The following SSUH2 variants were observed in gnomAD, a reference collection of about 807,000 sequenced individuals.
The protein encoded by SSUH2 is ssu-2 homolog, also known as protein SSUH2 homolog.
A neutral mutation model predicts 55.3 loss-of-function variants in SSUH2; 47 were observed. The ratio of observed to expected loss-of-function variants is 0.85; its 90% CI spans 0.67 to 1.08. SSUH2 has a LOEUF of 1.08. SSUH2 is among the 50% of genes least tolerant of loss of function. SSUH2 has a pLI of 0.00. For missense variants in SSUH2, 535 were observed against 490.7 expected, an observed-to-expected ratio of 1.09 and a Z score of -0.85; for synonymous variants, 212 against 191.5, an observed-to-expected ratio of 1.11 and a Z score of -0.89.
At chr3:8,648,186 C>A (rs936047488), upstream of SSUH2, among the ~76,000 whole-genome samples, 1 of 152,168 alleles carries the variant, frequency 6.6e-6, no homozygotes, top group Non-Finnish European at 1.5e-5. Context: ...TCCTTATAGA[C>A]GAGACAACAA....
At chr3:8,678,139 G>A (rs1178113058) in intron 2 of SSUH2, among the ~76,000 whole-genome samples, 1 of 152,006 alleles carries the variant, frequency 6.6e-6, no homozygotes, top group Non-Finnish European at 1.5e-5. Flanking sequence ...CAGGATCGTG[G>A]GAACAACATC....
chr3:8,680,953 T>C (rs185427171), intron 1 of SSUH2, among the ~76,000 whole-genome samples: 50 of 151,784 alleles, frequency 3.3e-4, no homozygotes, highest in South Asian at 6.2e-4. Flanking sequence ...GCTGGAATTA[T>C]TATCATCCTC....
intron 3 of SSUH2, among the ~76,000 whole-genome samples, chr3:8,672,379 C>G (rs72624408): frequency 6.6e-6 from 1 of 152,004 alleles, no homozygotes; most frequent in Non-Finnish European, 1.5e-5. Flanking sequence ...ACACCTCCTG[C>G]GACATGGGGG....
chr3:8,620,340 C>T (rs1232180663), intron 11 of SSUH2, among the ~76,000 whole-genome samples: 1 of 152,182 alleles, frequency 6.6e-6, no homozygotes, highest in Non-Finnish European at 1.5e-5. Flanking sequence ...TCTTGCCTTG[C>T]CTGCTGCCAT....
intron 2 of SSUH2, among the ~76,000 whole-genome samples, chr3:8,677,635 T>C (rs1369144863): frequency 4.6e-5 from 7 of 150,804 alleles, no homozygotes; most frequent in Non-Finnish European, 8.8e-5. Flanking sequence ...ACCCAAACTG[T>C]GGGGCCCTGG....
At chr3:8,627,620 T>C in intron 8 of SSUH2, 78 bp downstream of exon 8, 1 of 1,253,212 alleles carries the variant, frequency 8.0e-7, no homozygotes, top group South Asian at 1.6e-5. Flanking sequence ...TGGGTTCCTG[T>C]TTGCCTTCCA....
intron 7 of SSUH2, 31 bp downstream of exon 7, chr3:8,629,633 C>CTGACTCACTAGTGGTTCACAGA (rs1553567105): frequency 2.5e-6 from 4 of 1,587,724 alleles, no homozygotes; most frequent in South Asian, 2.2e-5. Context: ...CACACCCTCA[C>CTGACTCACTAGTGGTTCACAGA]TGACTCACCA....
At chr3:8,662,011 C>T (rs1703542832) in intron 6 of SSUH2, among the ~76,000 whole-genome samples, 1 of 152,174 alleles carries the variant, frequency 6.6e-6, no homozygotes, top group African/African-American at 2.4e-5. Flanking sequence ...TTGCCTTCTG[C>T]CATGATTGTG....
chr3:8,669,416 T>C (rs1472107949), intron 5 of SSUH2, among the ~76,000 whole-genome samples: 1 of 152,122 alleles, frequency 6.6e-6, no homozygotes, highest in African/African-American at 2.4e-5. Flanking sequence ...ATAAGGAAAG[T>C]AGACAAACTT....
At chr3:8,625,075 A>G (rs1697243728) in intron 10 of SSUH2, among the ~76,000 whole-genome samples, 1 of 151,974 alleles carries the variant, frequency 6.6e-6, no homozygotes, top group Admixed American at 6.5e-5. Flanking sequence ...TGACATTGCT[A>G]TAAAAGGGTC....
chr3:8,630,933 A>C lies in SSUH2; in HGVS notation c.401-4T>G, dbSNP rs1698645476. 7.1e-7 allele frequency: 1 copy of C among 1,412,550 alleles called. No individual in the cohort carries two copies. Among genetic ancestry groups the C allele is most frequent in the Non-Finnish European group, 9.3e-7 (1 of 1,077,428 alleles). 87.5% of individuals were successfully genotyped at this position (1,412,550 alleles called of 1,614,324 possible). A position where few individuals can be genotyped will look rare whatever the true frequency, so the allele number is the denominator to read the frequency against. On this transcript the variant is annotated splice_region_variant and splice_polypyrimidine_tract_variant and intron_variant, in intron 5 of 11. Transcript: ENST00000544814. ...TGCGGCCCATCCACAGAGTGGTCTG[A>C]CACAGAAAGGGGTCATTGTAAGAAT... is the stretch of plus-strand genomic sequence containing the variant.
At chr3:8,663,717 G>C (rs976857070) in intron 6 of SSUH2, 2 of 441,142 alleles carry the variant, frequency 4.5e-6, no homozygotes, top group Non-Finnish European at 9.1e-6. Context: ...AAGCTATTGG[G>C]ACACACTGGT....
At chr3:8,681,708 A>G (rs984469516) in intron 1 of SSUH2, among the ~76,000 whole-genome samples, 5 of 148,754 alleles carry the variant, frequency 3.4e-5, no homozygotes, top group Admixed American at 6.6e-5. Flanking sequence ...CCCCCATCGC[A>G]GCGGGGGGAG....
rs77171844 is a variant in SSUH2, at chr3:8,625,613, G to A, written c.802C>T (p.Arg268Trp). 1.7e-4 allele frequency: 282 copies of A among 1,613,820 alleles called. No homozygotes were observed. The African/African-American group carries it at 3.1e-3, about 18-fold the overall frequency. The change falls in exon 10 of 12, where the codon CGG (arginine) becomes TGG (tryptophan). Residue 268 changes from arginine (R) to tryptophan (W), a missense_variant. Coordinates refer to ENST00000544814, the MANE Select transcript of SSUH2 (RefSeq NM_001256748.3). ...NSLFEFVSEH[R>W]LNCPRELLAK... Reference sequence around the variant, plus strand: ...AGGAGCTCCCTGGGGCAGTTGAGCCGGTGCTCAGACACAAACTCAAACAAG... The same window carrying A: ...AGGAGCTCCCTGGGGCAGTTGAGCCAGTGCTCAGACACAAACTCAAACAAG...
At chr3:8,681,008 GGGA>G (rs1270395564) in intron 1 of SSUH2, among the ~76,000 whole-genome samples, 1 of 150,820 alleles carries the variant, frequency 6.6e-6, no homozygotes. Flanking sequence ...ATCGCAGTGG[GGGA>G]GGCAACCTCC....
intron 3 of SSUH2, chr3:8,634,727 C>T (rs2125197996): frequency 6.5e-6 from 3 of 461,122 alleles, no homozygotes; most frequent in Non-Finnish European, 1.2e-5. Flanking sequence ...CGGGAGAAGC[C>T]TCTCATGCTG....
At chr3:8,644,870 G>A, upstream of SSUH2, 1 of 868,320 alleles carries the variant, frequency 1.2e-6, no homozygotes, top group South Asian at 1.4e-5. Flanking sequence ...TTGTTACCCA[G>A]TTGGAATACA....
In SSUH2 at chr3:8,630,888, G is replaced by A. The variant is rs148094280; in HGVS notation, c.442C>T (p.Leu148Phe). ...GGACCTTGAACCTTGATGTCCCAGA[G>A]CCTGGGGGAGGCGCCTCTTTGCGGC... ...DGPQRGASPR[L>F]WDIKVQGPPM... The change falls in exon 6 of 12, where the codon CTC becomes TTC. Residue 148 changes from leucine (L) to phenylalanine (F), a missense_variant. Leu to Phe is a conservative substitution (Grantham distance 22). Coordinates refer to ENST00000544814, the MANE Select transcript of SSUH2 (RefSeq NM_001256748.3). 4.8e-6 allele frequency: 7 copies of A among 1,473,006 alleles called. No homozygotes were observed. Among genetic ancestry groups the A allele is most frequent in the Admixed American group, 2.5e-5 (1 of 39,616 alleles). The allele number at this position is 1,473,006 out of a possible 1,614,324, so 91.2% of individuals were successfully genotyped here.
At chr3:8,664,223 G>C (rs1230409619) in intron 5 of SSUH2, among the ~76,000 whole-genome samples, 1 of 152,176 alleles carries the variant, frequency 6.6e-6, no homozygotes, top group Admixed American at 6.5e-5. Flanking sequence ...AGGATACAGG[G>C]GATGTTACAT....
Sources: allele counts gnomAD v4.1 joint callset (sites outside exome capture counted in the v4.1 genomes callset), GRCh38; gene constraint gnomAD v4.1.1; transcripts MANE v1.5; gene names NCBI Gene and HGNC (gene_info 2026-07-23, HGNC 2026-07-21).